CRAMP1: variants seen among roughly 807,000 people sequenced by gnomAD.
CRAMP1 encodes the protein protein cramped-like.
In CRAMP1, 50 loss-of-function variants were observed where a neutral mutation model predicts 115.4. That is an observed-to-expected ratio of 0.43 (90% CI 0.35 to 0.55). The LOEUF (loss-of-function observed/expected upper bound fraction) is 0.55. CRAMP1 is among the 20% of genes least tolerant of loss of function. The pLI is 0.01. For synonymous variants in CRAMP1, 866 were observed against 745.4 expected, an observed-to-expected ratio of 1.16 and a Z score of -2.64; for missense variants, 1,679 against 1,721.7, an observed-to-expected ratio of 0.98 and a Z score of 0.44.
rs374087962 is a variant in CRAMP1, at chr16:1,632,279, C to T, written c.608C>T (p.Ala203Val). The change falls in exon 4 of 21, where the codon GCA becomes GTA. Residue 203 changes from alanine to valine, a missense_variant. Physicochemically the swap from Ala to Val is moderately conservative, Grantham distance 64. Around this residue, in one of 8 missense-constraint regions of CRAMP1, gnomAD observed 44 missense variants for 92.4 expected, o/e 0.48. Coordinates refer to ENST00000397412, the MANE Select transcript of CRAMP1 (RefSeq NM_020825.4). The part of the protein sequence containing the change: ...ALKYKKKGKP[A>V]SMVKNKEQVR... ...AAGTACAAGAAGAAAGGCAAGCCAG[C>T]AAGCATGGTGAAGAACAAGGAGCAG... 3 of 1,597,258 alleles carry T rather than the reference C, an allele frequency of 1.9e-6. No homozygotes were observed. In the East Asian group the frequency reaches 6.8e-5, roughly 36 times the overall value.
intron 6 of CRAMP1, among the ~76,000 whole-genome samples, chr16:1,651,840 G>C (rs915227026): frequency 4.6e-5 from 7 of 150,650 alleles, no homozygotes; most frequent in African/African-American, 7.4e-5. Context: ...AGGTCACACA[G>C]AGGTCACAGA....
chr16:1,632,984 C>T (rs770815628), intron 4 of CRAMP1, among the ~76,000 whole-genome samples: 1 of 152,198 alleles, frequency 6.6e-6, no homozygotes, highest in African/African-American at 2.4e-5. Context: ...AACTACCTCT[C>T]CAGCAGCGCA....
chr16:1,663,998 A>G (rs1006556310), intron 13 of CRAMP1, among the ~76,000 whole-genome samples: 7 of 152,234 alleles, frequency 4.6e-5, no homozygotes, highest in African/African-American at 1.7e-4. Flanking sequence ...TGCTACAAAA[A>G]GTGTAGCCTT....
chr16:1,652,456 A>G, intron 6 of CRAMP1, 40 bp from the exon 7 acceptor site: 1 of 1,518,818 alleles, frequency 6.6e-7, no homozygotes, highest in South Asian at 1.2e-5. Flanking sequence ...CCTTCTGTTC[A>G]CTCACAGGCC....
At chr16:1,647,012 C>G (rs768700557) in intron 6 of CRAMP1, 4 of 702,678 alleles carry the variant, frequency 5.7e-6, no homozygotes, top group Admixed American at 2.0e-5. Context: ...CGTTCTTTGA[C>G]CAGCAGACAT....
intron 6 of CRAMP1, among the ~76,000 whole-genome samples, chr16:1,647,910 G>A (rs1319689373): frequency 1.3e-5 from 2 of 151,520 alleles, no homozygotes; most frequent in Non-Finnish European, 2.9e-5. Flanking sequence ...AGGCTGGTGC[G>A]AGGATGGGGA....
intron 5 of CRAMP1, among the ~76,000 whole-genome samples, chr16:1,639,132 A>G (rs935486710): frequency 7.2e-5 from 11 of 151,918 alleles, no homozygotes; most frequent in African/African-American, 2.7e-4. Flanking sequence ...CCCCATCTTG[A>G]CCATGTGTTC....
Position 1,652,513 on chromosome 16 carries a change from A to G in CRAMP1, c.845A>G (p.Tyr282Cys). The G allele has an allele frequency of 6.4e-7, 1 of 1,552,250 alleles. No homozygotes were observed. Reference protein sequence around the residue: ...LIQVGATTVRYKGRNLRIKAP... With the variant: ...LIQVGATTVRCKGRNLRIKAP... ...TTTCCCAGGGCCACCACTGTACGTT[A>G]CAAAGGGCGGAACCTGCGGATCAAA... Residue 282 changes from tyrosine (Y) to cysteine (C), a missense_variant, in exon 7 of 21, where the codon TAC becomes TGC. Around this residue, in one of 8 missense-constraint regions of CRAMP1, gnomAD observed 13 missense variants for 46.9 expected, o/e 0.28. Coordinates refer to ENST00000397412, the MANE Select transcript of CRAMP1 (RefSeq NM_020825.4).
At chr16:1,661,814 C>G (rs748058557) in intron 11 of CRAMP1, among the ~76,000 whole-genome samples, 6 of 152,012 alleles carry the variant, frequency 3.9e-5, no homozygotes, top group Non-Finnish European at 7.4e-5. Flanking sequence ...GGCTGGCCTA[C>G]CATGAATTCA....
intron 5 of CRAMP1, among the ~76,000 whole-genome samples, chr16:1,640,013 C>T (rs761224798): frequency 3.3e-5 from 5 of 152,166 alleles, no homozygotes; most frequent in East Asian, 1.9e-4. Context: ...AGGTGGGGCA[C>T]GGTGACCCTG....
At chr16:1,652,992 G>A (rs374924734) in intron 7 of CRAMP1, 41 bp from the exon 8 acceptor site, 241 of 1,612,180 alleles carry the variant, frequency 1.5e-4, no homozygotes, top group Non-Finnish European at 1.6e-4. Flanking sequence ...CTACCTTAAG[G>A]TTGGGCTGCA....
At chr16:1,624,265 C>T (rs577308895) in intron 2 of CRAMP1, among the ~76,000 whole-genome samples, 3 of 152,058 alleles carry the variant, frequency 2.0e-5, no homozygotes, top group African/African-American at 7.2e-5. Flanking sequence ...ACAGACCCCC[C>T]ACCGGGTGAG....
At chr16:1,622,914 A>G (rs913670828) in intron 2 of CRAMP1, among the ~76,000 whole-genome samples, 1 of 152,004 alleles carries the variant, frequency 6.6e-6, no homozygotes, top group Admixed American at 6.6e-5. Context: ...GGTGCACGCC[A>G]CCACATGGGG....
Position 1,673,929 on chromosome 16 carries a change from T to G in CRAMP1, c.3694T>G (p.Tyr1232Asp). The change falls in exon 21 of 21, where the codon TAC becomes GAC. Residue 1232 changes from tyrosine (Y) to aspartate (D), a missense_variant. Tyr to Asp is a radical substitution (Grantham distance 160). Around this residue, in one of 8 missense-constraint regions of CRAMP1, gnomAD observed 709 missense variants for 741.9 expected, o/e 0.96. Coordinates refer to ENST00000397412, the MANE Select transcript of CRAMP1 (RefSeq NM_020825.4). ...VCMMNENSID[Y>D]ISRFNDLAQE... is the part of the protein sequence containing the mutation. ...CATGATGAACGAAAACAGCATTGAT[T>G]ACATTTCTCGGTTCAATGACCTGGC... The G allele has an allele frequency of 6.2e-7, 1 of 1,613,800 alleles. No homozygotes were observed. The highest frequency in any genetic ancestry group is 2.2e-5 in the East Asian group (1 of 44,864).
intron 4 of CRAMP1, among the ~76,000 whole-genome samples, chr16:1,632,639 G>A (rs765944355): frequency 5.9e-5 from 9 of 152,258 alleles, no homozygotes. Context: ...GGCTCTGAGT[G>A]TGCGTGAGTT....
At chr16:1,670,628 G>T (rs767043928) in intron 19 of CRAMP1, 36 bp from the exon 20 acceptor site, 46 of 1,611,176 alleles carry the variant, frequency 2.9e-5, no homozygotes, top group Non-Finnish European at 3.6e-5. Flanking sequence ...GACCAAGCAG[G>T]GTTCAGGGTG....
rs1038478075 is a variant in CRAMP1 at position 1,669,868 on chromosome 16, G to A, written c.3499+703G>A. Among the ~76,000 whole-genome samples the A allele has an allele frequency of 3.3e-5, 5 of 152,180 alleles. No homozygotes were observed. Among genetic ancestry groups the A allele is most frequent in the Admixed American group, 6.5e-5 (1 of 15,292 alleles). ...CCTGACAGCTCTGAACCAGTTGGGC[G>A]ACCTGGGTCTGGGAGGTGCTGAGGG... On this transcript the variant is annotated intron_variant, in intron 19 of 20. Transcript: ENST00000397412. The surrounding 1 kb of genome is among the most constrained non-coding windows in gnomAD (Gnocchi z 4.6).
chr16:1,661,416 G>T (rs2036828099), intron 11 of CRAMP1, among the ~76,000 whole-genome samples: 1 of 27,424 alleles, frequency 3.6e-5, no homozygotes, highest in Middle Eastern at 0.01. Context: ...GGCCTCCTGG[G>T]TGACGGAGGG....
chr16:1,644,077 C>T (rs528162646), intron 6 of CRAMP1, among the ~76,000 whole-genome samples: 6 of 152,194 alleles, frequency 3.9e-5, no homozygotes, highest in Non-Finnish European at 7.3e-5. Flanking sequence ...GGAATTTGCC[C>T]GTGTAGCCAA....
Sources: gnomAD v4.1 joint callset for allele counts (sites outside exome capture counted in the v4.1 genomes callset) on GRCh38, gnomAD v4.1.1 for gene constraint, gnomAD v4.1.1 regional missense constraint, Gnocchi (gnomAD v3.1) non-coding constraint, MANE v1.5 for transcripts, NCBI Gene and HGNC (gene_info 2026-07-23, HGNC 2026-07-21) for gene names.